SMYD3: variants seen among roughly 807,000 people sequenced by gnomAD.
SMYD3 encodes the protein histone-lysine N-methyltransferase SMYD3.
Under a neutral mutation model 57.7 loss-of-function variants are expected in SMYD3, and 36 were observed. The ratio of observed to expected loss-of-function variants is 0.62; its 90% CI spans 0.48 to 0.82. The LOEUF (loss-of-function observed/expected upper bound fraction) is 0.82. Ranked by LOEUF, SMYD3 falls within the 40% of genes least tolerant of loss-of-function variation. The probability of loss-of-function intolerance (pLI) is 0.00; values close to 1 mark genes in which losing one functional copy is unlikely to be tolerated. For missense variants in SMYD3, 515 were observed against 538.8 expected (o/e 0.96, Z 0.44); for synonymous variants, 211 against 195.0 (o/e 1.08, Z -0.68).
At chr1:246,006,448 G>A (rs969205396) in intron 5 of SMYD3, among the ~76,000 whole-genome samples, 7 of 152,058 alleles carry the variant, frequency 4.6e-5, no homozygotes, top group African/African-American at 1.7e-4. Flanking sequence ...TTTCCCAGAC[G>A]GAACTCCTGG....
chr1:246,268,338 C>A (rs537345838), intron 5 of SMYD3, among the ~76,000 whole-genome samples: 1 of 152,296 alleles, frequency 6.6e-6, no homozygotes, highest in Admixed American at 6.5e-5. Context: ...ATGGCAACAT[C>A]AGGAAGTTAC....
chr1:245,892,608 C>A (rs1230377705), intron 8 of SMYD3, among the ~76,000 whole-genome samples: 1 of 152,188 alleles, frequency 6.6e-6, no homozygotes, highest in African/African-American at 2.4e-5. Context: ...TCTGCTAAAT[C>A]TAACTCTGTA....
intron 10 of SMYD3, among the ~76,000 whole-genome samples, chr1:245,855,949 C>A (rs772888951): frequency 6.6e-6 from 1 of 152,240 alleles, no homozygotes; most frequent in African/African-American, 2.4e-5. Flanking sequence ...CTTGGTAACT[C>A]ATGCCTAGCT....
chr1:245,869,862 G>A lies in SMYD3; in HGVS notation c.814-5976C>T, dbSNP rs892207849. Among the ~76,000 whole-genome samples the A allele has an allele frequency of 7.2e-5, 11 of 152,212 alleles. No homozygotes were observed. In the South Asian group the frequency reaches 1.9e-3, roughly 26 times the overall value. On this transcript the variant is annotated intron_variant, in intron 8 of 11. Coordinates refer to ENST00000490107, the MANE Select transcript of SMYD3 (RefSeq NM_001167740.2). ...CATTTAAGTCTTTGGCTTTCTTCCCGTTTGTCCTTTTGGGACACAGCCCCT... is the reference window on the plus strand; with the variant it reads ...CATTTAAGTCTTTGGCTTTCTTCCCATTTGTCCTTTTGGGACACAGCCCCT...
chr1:246,014,621 T>C (rs981455281), intron 5 of SMYD3, among the ~76,000 whole-genome samples: 3 of 152,188 alleles, frequency 2.0e-5, no homozygotes, highest in African/African-American at 7.2e-5. Context: ...TAAAGGATTA[T>C]TTATTCATAG....
chr1:245,760,311 G>A (rs573156004), intron 11 of SMYD3, among the ~76,000 whole-genome samples: 7 of 152,200 alleles, frequency 4.6e-5, no homozygotes, highest in African/African-American at 7.2e-5. Flanking sequence ...GAGGGTGCCC[G>A]TCTGAAGATG....
intron 10 of SMYD3, among the ~76,000 whole-genome samples, chr1:245,765,223 T>A (rs2362930): frequency 0.041 from 4,650 of 113,498 alleles, 173 homozygotes; most frequent in Admixed American, 0.15. Context: ...CTTTCTCTAT[T>A]AAAAAAAAAA....
intron 10 of SMYD3, among the ~76,000 whole-genome samples, chr1:245,791,706 C>T (rs942762735): frequency 1.3e-5 from 2 of 152,144 alleles, no homozygotes; most frequent in Non-Finnish European, 1.5e-5. Flanking sequence ...AACAAAAATT[C>T]TGGTCTTTTT....
chr1:245,820,851 T>C (rs373962609), intron 10 of SMYD3, among the ~76,000 whole-genome samples: 12 of 151,076 alleles, frequency 7.9e-5, no homozygotes, highest in South Asian at 4.3e-4. Context: ...ATGTGAAGGA[T>C]CTCTTCAAGG....
chr1:246,059,522 G>A (rs2060214882), intron 5 of SMYD3, among the ~76,000 whole-genome samples: 1 of 152,130 alleles, frequency 6.6e-6, no homozygotes, highest in South Asian at 2.1e-4. Flanking sequence ...CAAGCATGGT[G>A]AGCCAGCCAT....
At chr1:245,986,106 C>A (rs1185363213) in intron 5 of SMYD3, among the ~76,000 whole-genome samples, 1 of 152,184 alleles carries the variant, frequency 6.6e-6, no homozygotes, top group Non-Finnish European at 1.5e-5. Context: ...TCGTTTTTAG[C>A]GTTTAATTCT....
chr1:246,444,317 G>A (rs1162590654), intron 1 of SMYD3, among the ~76,000 whole-genome samples: 1 of 151,992 alleles, frequency 6.6e-6, no homozygotes, highest in African/African-American at 2.4e-5. Flanking sequence ...GTAGAGACGG[G>A]GTTTCACCAT....
intron 5 of SMYD3, among the ~76,000 whole-genome samples, chr1:245,972,932 G>C (rs562246217): frequency 6.6e-6 from 1 of 152,178 alleles, no homozygotes; most frequent in African/African-American, 2.4e-5. Flanking sequence ...ACGAGAACCT[G>C]GCCTTACCTT....
intron 10 of SMYD3, among the ~76,000 whole-genome samples, chr1:245,836,086 T>C: frequency 6.6e-6 from 1 of 152,110 alleles, no homozygotes; most frequent in East Asian, 1.9e-4. Context: ...CTCATAGACG[T>C]CTCCAAGATC....
intron 5 of SMYD3, among the ~76,000 whole-genome samples, chr1:246,099,191 T>C (rs898908858): frequency 3.3e-5 from 5 of 152,356 alleles, no homozygotes; most frequent in Admixed American, 6.5e-5. Flanking sequence ...AATATTCAAT[T>C]TGATACGTAT....
rs143886306 is a variant in SMYD3 at position 246,443,643 on chromosome 1, A to C, written c.164+63411T>G. On this transcript the variant is annotated intron_variant, in intron 1 of 11. Coordinates refer to ENST00000490107, the MANE Select transcript of SMYD3 (RefSeq NM_001167740.2). The stretch of plus-strand genomic sequence containing the variant: ...GGGAAGATGGGCACAGGAACCTAAC[A>C]CCAATTTTTTCACTTGTACATTTCC... 6.1e-3 allele frequency among the ~76,000 whole-genome samples: 933 copies of C among 152,274 alleles called. 4 individuals carry two copies. The highest frequency in any genetic ancestry group is 0.034 in the Middle Eastern group (10 of 294).
At chr1:246,135,449 G>A (rs1006240691) in intron 5 of SMYD3, among the ~76,000 whole-genome samples, 13 of 152,078 alleles carry the variant, frequency 8.5e-5, no homozygotes, top group African/African-American at 2.9e-4. Flanking sequence ...AGGGACATGC[G>A]TCAAATTATT....
At chr1:246,280,743 C>G (rs1349231584) in intron 5 of SMYD3, among the ~76,000 whole-genome samples, 1 of 152,178 alleles carries the variant, frequency 6.6e-6, no homozygotes, top group Non-Finnish European at 1.5e-5. Context: ...GTGCTTGCAA[C>G]TTAAACTGGT....
At chr1:245,756,801 T>C (rs1332197965) in intron 11 of SMYD3, among the ~76,000 whole-genome samples, 1 of 148,868 alleles carries the variant, frequency 6.7e-6, no homozygotes, top group Non-Finnish European at 1.5e-5. Flanking sequence ...TTTTAGGACT[T>C]TTTTTTTTTT....
Sources: allele counts gnomAD v4.1 joint callset (sites outside exome capture counted in the v4.1 genomes callset), GRCh38; gene constraint gnomAD v4.1.1; transcripts MANE v1.5; gene names NCBI Gene and HGNC (gene_info 2026-07-23, HGNC 2026-07-21).